ADGRL3: variants seen among roughly 807,000 people sequenced by gnomAD.
ADGRL3 encodes adhesion G protein-coupled receptor L3.
Under a neutral mutation model 153.5 loss-of-function variants are expected in ADGRL3, and 62 were observed. That is an observed-to-expected ratio of 0.40 (90% CI 0.33 to 0.50). The LOEUF is 0.50. Ranked by LOEUF, ADGRL3 falls within the 20% of genes least tolerant of loss-of-function variation. ADGRL3 has a pLI of 0.47. For missense variants in ADGRL3, 1,641 were observed against 1,859.4 expected (o/e 0.88, Z 2.16); for synonymous variants, 710 against 672.5 (o/e 1.06, Z -0.86).
intron 8 of ADGRL3, among the ~76,000 whole-genome samples, chr4:61,807,932 T>C (rs796212695): frequency 9.2e-5 from 14 of 152,254 alleles, no homozygotes; most frequent in African/African-American, 3.1e-4. Flanking sequence ...TAATTCTTTA[T>C]TAGTCATCTT....
intron 19 of ADGRL3, among the ~76,000 whole-genome samples, chr4:61,986,708 G>A (rs1433385162): frequency 6.6e-6 from 1 of 152,084 alleles, no homozygotes; most frequent in Non-Finnish European, 1.5e-5. Context: ...GAAAAGATAG[G>A]GAAAATTTCA....
At chr4:61,857,396 A>G (rs1158909510) in intron 9 of ADGRL3, among the ~76,000 whole-genome samples, 1 of 152,134 alleles carries the variant, frequency 6.6e-6, no homozygotes, top group African/African-American at 2.4e-5. Flanking sequence ...ACAGCTTTTT[A>G]TCAAGGAAAA....
Position 61,583,638 on chromosome 4 carries a change from A to T in ADGRL3, c.260-3589A>T, listed in dbSNP as rs780681393. 5 of 517,176 alleles carry T rather than the reference A, an allele frequency of 9.7e-6. No individual in the cohort carries two copies. In the East Asian group the frequency reaches 2.7e-4, roughly 28 times the overall value. 32.0% of individuals were successfully genotyped at this position (517,176 alleles called of 1,614,324 possible). ...ATTTTGGAAACTTTCTGAGGTTCTG[A>T]CATCTTTATCAGAGATGTTTAATTA... On this transcript the variant is annotated intron_variant, in intron 4 of 26. Transcript: ENST00000683033.
chr4:61,578,797 C>A (rs2149252053), intron 4 of ADGRL3, among the ~76,000 whole-genome samples: 1 of 152,162 alleles, frequency 6.6e-6, no homozygotes, highest in Non-Finnish European at 1.5e-5. Flanking sequence ...TATTTGATTT[C>A]TCTGAAATTC....
intron 9 of ADGRL3, among the ~76,000 whole-genome samples, chr4:61,819,002 G>A (rs2097720246): frequency 6.6e-6 from 1 of 151,954 alleles, no homozygotes; most frequent in Admixed American, 6.6e-5. Context: ...TTAGAAATGA[G>A]GTAGAGTTGG....
chr4:61,557,170 T>C (rs1259904704), intron 4 of ADGRL3, among the ~76,000 whole-genome samples: 8 of 152,172 alleles, frequency 5.3e-5, no homozygotes, highest in Admixed American at 4.6e-4. Context: ...ATTTTCTTCT[T>C]AGAAATATTT....
At position 61,760,441 on chromosome 4, in the gene ADGRL3, G is replaced by T. The variant is rs182438816; in HGVS notation, c.1399+26887G>T. Among the ~76,000 whole-genome samples the T allele has an allele frequency of 3.4e-4, 51 of 152,140 alleles. No homozygotes were observed. The East Asian group carries it at 8.7e-3, about 26-fold the overall frequency. On this transcript the variant is annotated intron_variant, in intron 8 of 26. Coordinates refer to ENST00000683033, the MANE Select transcript of ADGRL3 (RefSeq NM_001387552.1). ...TGGGAATAAGCGAGGCTCCGTGGGC[G>T]TAGGACCCTCTGAGCCAGGCACGGG...
intron 17 of ADGRL3, among the ~76,000 whole-genome samples, chr4:61,974,130 G>T (rs1185501545): frequency 6.6e-6 from 1 of 151,984 alleles, no homozygotes; most frequent in Non-Finnish European, 1.5e-5. Context: ...ACCCTGTCCA[G>T]CTAATTTTGG....
At chr4:61,932,177 A>G (rs1214804548) in intron 13 of ADGRL3, among the ~76,000 whole-genome samples, 1 of 152,040 alleles carries the variant, frequency 6.6e-6, no homozygotes, top group Non-Finnish European at 1.5e-5. Context: ...GATGCCTATT[A>G]TTATTATTAC....
intron 6 of ADGRL3, among the ~76,000 whole-genome samples, chr4:61,680,405 CGTGTGTGTGTGTGTGTGTGTGTGT>C (rs3075156): frequency 6.2e-5 from 9 of 144,066 alleles, no homozygotes; most frequent in Admixed American, 7.0e-5. Context: ...TATACATACT[CGTGTGTGTGTGTGTGTGTGTGTGT>C]GTGTGTGTGT....
chr4:61,359,742 G>A (rs1389765854), intron 1 of ADGRL3, among the ~76,000 whole-genome samples: 1 of 151,998 alleles, frequency 6.6e-6, no homozygotes, highest in Non-Finnish European at 1.5e-5. Context: ...TTTTGTTATT[G>A]CTCTAAACTC....
intron 6 of ADGRL3, among the ~76,000 whole-genome samples, chr4:61,715,122 G>C (rs1031039508): frequency 6.6e-6 from 1 of 152,042 alleles, no homozygotes; most frequent in African/African-American, 2.4e-5. Context: ...TTCTTAAAGA[G>C]CAGCTGTAAT....
intron 9 of ADGRL3, among the ~76,000 whole-genome samples, chr4:61,831,887 G>A (rs1297952940): frequency 1.3e-5 from 2 of 151,830 alleles, no homozygotes; most frequent in Non-Finnish European, 2.9e-5. Flanking sequence ...GAATGAAGGG[G>A]TAGCTGGCAG....
At chr4:61,226,229 A>G (rs1747908638) in intron 1 of ADGRL3, among the ~76,000 whole-genome samples, 1 of 152,094 alleles carries the variant, frequency 6.6e-6, no homozygotes, top group Admixed American at 6.6e-5. Context: ...TTCTCCTAGC[A>G]TTATGAGGGG....
chr4:61,228,084 A>G (rs944888998), intron 1 of ADGRL3, among the ~76,000 whole-genome samples: 2 of 152,194 alleles, frequency 1.3e-5, no homozygotes, highest in Non-Finnish European at 2.9e-5. Flanking sequence ...ATCTTGTTCA[A>G]ATTTCACCAG....
At chr4:61,583,975 A>C (rs1022200533) in intron 4 of ADGRL3, among the ~76,000 whole-genome samples, 6 of 152,046 alleles carry the variant, frequency 3.9e-5, no homozygotes, top group African/African-American at 1.4e-4. Flanking sequence ...ATTACTCTGC[A>C]TTTGAATTGT....
Position 62,031,205 on chromosome 4 carries a change from C to T in ADGRL3, c.3423-237C>T, listed in dbSNP as rs188317675. Reference sequence around the variant, plus strand: ...TACATGAATAATTTATGGTACAAATCTGCTTTTGCTTAAATGAATTTCTGT... The same window carrying T: ...TACATGAATAATTTATGGTACAAATTTGCTTTTGCTTAAATGAATTTCTGT... On this transcript the variant is annotated intron_variant, in intron 22 of 26. Coordinates refer to ENST00000683033, the MANE Select transcript of ADGRL3 (RefSeq NM_001387552.1). Among the ~76,000 whole-genome samples the T allele has an allele frequency of 1.5e-3, 222 of 151,704 alleles. 1 individual carries two copies. Among genetic ancestry groups the T allele is most frequent in the African/African-American group, 4.9e-3 (203 of 41,490 alleles).
At chr4:61,514,932 T>C (rs756806033) in intron 3 of ADGRL3, among the ~76,000 whole-genome samples, 2 of 152,188 alleles carry the variant, frequency 1.3e-5, no homozygotes, top group Admixed American at 6.5e-5. Context: ...CATTGTTTAT[T>C]CATTTTTAAA....
At chr4:61,560,030 C>T (rs1420372683) in intron 4 of ADGRL3, among the ~76,000 whole-genome samples, 1 of 152,078 alleles carries the variant, frequency 6.6e-6, no homozygotes, top group Admixed American at 6.6e-5. Flanking sequence ...CAAGATTAAG[C>T]TTCAAGACTC....
Sources: gnomAD v4.1 joint callset for allele counts (sites outside exome capture counted in the v4.1 genomes callset) on GRCh38, gnomAD v4.1.1 for gene constraint, MANE v1.5 for transcripts, NCBI Gene and HGNC (gene_info 2026-07-23, HGNC 2026-07-21) for gene names.